PIEZO1: variants seen among roughly 807,000 people sequenced by gnomAD.
PIEZO1 encodes piezo-type mechanosensitive ion channel component 1.
A neutral mutation model predicts 297.2 loss-of-function variants in PIEZO1; 296 were observed. The ratio of observed to expected loss-of-function variants is 1.00; its 90% CI spans 0.91 to 1.10. The LOEUF (loss-of-function observed/expected upper bound fraction) is 1.10, where lower values mean the gene tolerates loss of function less well. PIEZO1 is among the 50% of genes least tolerant of loss of function. The pLI is 0.00. For synonymous variants in PIEZO1, 2,427 were observed against 1,507.5 expected (o/e 1.61, Z -14.13); for missense variants, 5,018 against 3,455.5 (o/e 1.45, Z -11.34).
chr16:88,726,278 G>A lies in PIEZO1; in HGVS notation c.3968+6C>T. 6.5e-7 allele frequency: 1 copy of A among 1,545,368 alleles called. No homozygotes were observed. The highest frequency in any genetic ancestry group is 8.7e-7 in the Non-Finnish European group (1 of 1,144,444). On this transcript the variant is annotated splice_donor_region_variant and intron_variant, in intron 27 of 50. Transcript: ENST00000301015. ...AGCTCTGGGCTGTGTCTGGGCCCAA[G>A]CTTGCCTGGAGGCTAGCAGGGCGGT...
In PIEZO1 at chr16:88,734,360, G is replaced by A. The variant is rs1463660758; in HGVS notation, c.2176C>T (p.His726Tyr). The A allele has an allele frequency of 9.2e-6, 14 of 1,529,694 alleles. No individual in the cohort carries two copies. The African/African-American group carries it at 1.8e-4, about 20-fold the overall frequency. 94.8% of individuals were successfully genotyped at this position (1,529,694 alleles called of 1,614,324 possible). ...ACAGGGAGGGCGGGGCCGCACCTGT[G>A]AGCCCAGCGCGGGAGGCGCGTGCCA... Reference protein sequence around the residue: ...LPGTRLPRWAHRQDAVSGTPL... With the variant: ...LPGTRLPRWAYRQDAVSGTPL... The change falls in exon 16 of 51, where the codon CAC becomes TAC. Residue 726 changes from histidine (H) to tyrosine (Y), a missense_variant. Coordinates refer to ENST00000301015, the MANE Select transcript of PIEZO1 (RefSeq NM_001142864.4).
chr16:88,727,494 T>A, intron 23 of PIEZO1, 63 bp downstream of exon 23: 1 of 677,002 alleles, frequency 1.5e-6, no homozygotes, highest in Non-Finnish European at 2.6e-6. Flanking sequence ...TGTGAGCAGA[T>A]TTGGGGGCGT....
At chr16:88,720,360 G>T (rs1018364555) in intron 41 of PIEZO1, 25 bp downstream of exon 41, 1 of 1,550,276 alleles carries the variant, frequency 6.5e-7, no homozygotes, top group East Asian at 2.4e-5. Context: ...GCGTACACTG[G>T]GTTTGGGTCC....
chr16:88,730,338 TCCCAGGA>T lies in PIEZO1; in HGVS notation c.3196+1361_3196+1367del, dbSNP rs1412514224. 2.6e-4 allele frequency among the ~76,000 whole-genome samples: 37 copies of T among 140,310 alleles called. No individual in the cohort carries two copies. The East Asian group carries it at 6.0e-3, about 23-fold the overall frequency. 92.0% of individuals were successfully genotyped at this position (140,310 alleles called of 152,430 possible). ...CGGGCGTGGCAGCTCACGCCTGTAA[TCCCAGGA>T]GGGAGGCCTGTAATTTGGGAGGCGG... On this transcript the variant is annotated intron_variant, in intron 22 of 50. Coordinates refer to ENST00000301015, the MANE Select transcript of PIEZO1 (RefSeq NM_001142864.4).
chr16:88,731,795 C>G lies in PIEZO1; in HGVS notation c.3107G>C (p.Arg1036Pro), dbSNP rs769506340. The G allele has an allele frequency of 6.5e-7, 1 of 1,549,026 alleles. No individual in the cohort carries two copies. The highest frequency in any genetic ancestry group is 2.0e-5 in the Admixed American group (1 of 50,888). Reference protein sequence around the residue: ...LTRRHRQAIARLWPNYCLFLA... With the variant: ...LTRRHRQAIAPLWPNYCLFLA... ...GAAGAGGCAGTAGTTGGGCCAGAGG[C>G]GGGCAATGGCCTGGCGGTGCCTGCG... Residue 1036 changes from arginine to proline, a missense_variant, in exon 22 of 51, where the codon CGC becomes CCC. Coordinates refer to ENST00000301015, the MANE Select transcript of PIEZO1 (RefSeq NM_001142864.4).
Position 88,732,397 on chromosome 16 carries a change from G to A in PIEZO1, c.2929C>T (p.Gln977Ter), listed in dbSNP as rs1466909134. The A allele has an allele frequency of 1.4e-5, 22 of 1,549,710 alleles. No homozygotes were observed. In the Admixed American group the frequency reaches 3.9e-4, roughly 28 times the overall value. The change falls in exon 21 of 51, where the codon CAG (glutamine) becomes TAG (stop). Residue 977 changes from glutamine to a stop codon, truncating the protein, a stop_gained. Coordinates refer to ENST00000301015, the MANE Select transcript of PIEZO1 (RefSeq NM_001142864.4). LOFTEE classifies it high-confidence loss of function. ...FASGTRQQLD[Q>*]DLLGCLKYFI... ...TACTTGAGGCAGCCGAGCAGATCCT[G>A]GTCCAGCTGCTGGCGGGTGCCGCTG...
At position 88,721,790 on chromosome 16, in the gene PIEZO1, C is replaced by G; in HGVS notation, c.5214+18G>C. On this transcript the variant is annotated intron_variant, in intron 37 of 50. Transcript: ENST00000301015. Reference sequence around the variant, plus strand: ...GCGCGGTGGGCCGGGCGCCCCCTCCCCCGCGGCCTCGGCCCACCTCGGTGA... The same window carrying G: ...GCGCGGTGGGCCGGGCGCCCCCTCCGCCGCGGCCTCGGCCCACCTCGGTGA... 1.3e-6 allele frequency: 2 copies of G among 1,536,220 alleles called. No homozygotes were observed. The highest frequency in any genetic ancestry group is 1.8e-6 in the Non-Finnish European group (2 of 1,141,368).
At chr16:88,780,037 G>C (rs1467667710) in intron 1 of PIEZO1, among the ~76,000 whole-genome samples, 2 of 152,216 alleles carry the variant, frequency 1.3e-5, no homozygotes, top group African/African-American at 4.8e-5. Context: ...CAGACCCAGA[G>C]AAGGGGGTGA....
At chr16:88,753,727 C>G (rs12599033) in intron 1 of PIEZO1, among the ~76,000 whole-genome samples, 1 of 152,050 alleles carries the variant, frequency 6.6e-6, no homozygotes, top group Non-Finnish European at 1.5e-5. Context: ...CGGCAGTGCT[C>G]TTGGTCTAAG....
intron 1 of PIEZO1, among the ~76,000 whole-genome samples, chr16:88,782,625 G>A (rs1196671756): frequency 6.6e-6 from 1 of 152,224 alleles, no homozygotes; most frequent in African/African-American, 2.4e-5. Flanking sequence ...CTGAGCCAGC[G>A]CAGGCACACA....
At chr16:88,732,804 C>G in intron 19 of PIEZO1, 72 bp from the exon 20 acceptor site, 2 of 1,409,836 alleles carry the variant, frequency 1.4e-6, no homozygotes, top group Non-Finnish European at 1.9e-6. Flanking sequence ...GAGCCCACCA[C>G]AGCCACAGCT....
At chr16:88,723,485 G>A (rs1277464980) in intron 31 of PIEZO1, among the ~76,000 whole-genome samples, 157 bp from the exon 32 acceptor site, 5 of 152,270 alleles carry the variant, frequency 3.3e-5, no homozygotes, top group Admixed American at 6.5e-5. Flanking sequence ...GGGACCCTGA[G>A]GGGCTGTGGG....
chr16:88,732,583 C>A (rs1265167703), intron 20 of PIEZO1, 24 bp downstream of exon 20: 3 of 1,543,210 alleles, frequency 1.9e-6, no homozygotes, highest in Non-Finnish European at 2.6e-6. Context: ...GCCCGCCCAG[C>A]CGCCCACCAG....
In PIEZO1 at chr16:88,725,475, C is replaced by T. The variant is rs917988282; in HGVS notation, c.4103G>A (p.Arg1368Gln). Residue 1368 changes from arginine (R) to glutamine (Q), a missense_variant, in exon 29 of 51, where the codon CGG becomes CAG. Coordinates refer to ENST00000301015, the MANE Select transcript of PIEZO1 (RefSeq NM_001142864.4). ...GTCCTGGGGGCGACTGCGGTCCACC[C>T]GGCCCTGCCTGTGCTTCTCCTGCTT... ...RAKQEKHRQG[R>Q]VDRSRPQDTL... 3.4e-5 allele frequency: 51 copies of T among 1,520,102 alleles called. No homozygotes were observed. Among genetic ancestry groups the T allele is most frequent in the East Asian group, 2.7e-4 (11 of 40,470 alleles). 94.2% of individuals were successfully genotyped at this position (1,520,102 alleles called of 1,614,324 possible).
In PIEZO1 at chr16:88,725,594, C is replaced by T; in HGVS notation, c.4058+1G>A. 6.5e-7 allele frequency: 1 copy of T among 1,546,172 alleles called. No homozygotes were observed. Among genetic ancestry groups the T allele is most frequent in the Non-Finnish European group, 8.7e-7 (1 of 1,143,014 alleles). The stretch of plus-strand genomic sequence containing the variant: ...GGAGTCCCCGCCCCAGAGGCACCTA[C>T]TGTCTTTTCAGCTGGGCCAGGGACT... On this transcript the variant is annotated splice_donor_variant, in intron 28 of 50. Coordinates refer to ENST00000301015, the MANE Select transcript of PIEZO1 (RefSeq NM_001142864.4). LOFTEE classifies it high-confidence loss of function.
chr16:88,776,421 G>A (rs560855665), intron 1 of PIEZO1, among the ~76,000 whole-genome samples: 117 of 151,536 alleles, frequency 7.7e-4, no homozygotes, highest in African/African-American at 2.5e-3. Flanking sequence ...GCGACAGAGC[G>A]AGACTCTGTC....
In PIEZO1 at chr16:88,727,057, G is replaced by A. The variant is rs538640563; in HGVS notation, c.3437C>T (p.Pro1146Leu). Residue 1146 changes from proline to leucine, a missense_variant, in exon 24 of 51, where the codon CCC becomes CTC. Transcript: ENST00000301015. Reference protein sequence around the residue: ...EPLRGEPNPVPNFIHCRSYLD... With the variant: ...EPLRGEPNPVLNFIHCRSYLD... ...AACCCACCTGCAGTGGATAAAGTTG[G>A]GCACGGGGTTGGGCTCCCCCCGCAG... is the stretch of plus-strand genomic sequence containing the variant. 175 of 1,549,190 alleles carry A rather than the reference G, an allele frequency of 1.1e-4. 1 individual carries two copies. In the African/African-American group the frequency reaches 2.2e-3, roughly 20 times the overall value.
At chr16:88,765,612 A>G (rs1463329850) in intron 1 of PIEZO1, among the ~76,000 whole-genome samples, 3 of 151,950 alleles carry the variant, frequency 2.0e-5, no homozygotes, top group Non-Finnish European at 4.4e-5. Context: ...GGGGCTGGAC[A>G]GCAGCGCCTG....
intron 44 of PIEZO1, chr16:88,717,910 G>C (rs924496287): frequency 7.6e-6 from 3 of 392,548 alleles, no homozygotes; most frequent in East Asian, 7.3e-5. Flanking sequence ...AGTTTGAGAC[G>C]AACCTGGCCA....
Sources: allele counts gnomAD v4.1 joint callset (sites outside exome capture counted in the v4.1 genomes callset), GRCh38; gene constraint gnomAD v4.1.1; transcripts MANE v1.5; gene names NCBI Gene and HGNC (gene_info 2026-07-23, HGNC 2026-07-21).